Variants in NRG3 observed in about 807,000 individuals in gnomAD.
NRG3 encodes pro-neuregulin-3, membrane-bound isoform.
In NRG3, 31 loss-of-function variants were observed where a neutral mutation model predicts 66.9. The observed-to-expected ratio is 0.46, with a 90% CI of 0.35 to 0.63. The LOEUF (loss-of-function observed/expected upper bound fraction) is 0.63, where lower values mean the gene tolerates loss of function less well. Ranked by LOEUF, NRG3 falls within the 20% of genes least tolerant of loss-of-function variation. The pLI, the probability that NRG3 is intolerant of heterozygous loss-of-function variation, is 0.00. For synonymous variants in NRG3, 393 were observed against 359.4 expected, an observed-to-expected ratio of 1.09 and a Z score of -1.06; for missense variants, 910 against 878.9, an observed-to-expected ratio of 1.04 and a Z score of -0.45.
chr10:82,877,695 G>C (rs899071147), intron 4 of NRG3, among the ~76,000 whole-genome samples: 2 of 152,000 alleles, frequency 1.3e-5, no homozygotes, highest in African/African-American at 4.8e-5. Flanking sequence ...AGCCACATGG[G>C]ACAGACTTTT....
intron 2 of NRG3, among the ~76,000 whole-genome samples, chr10:82,581,093 T>C (rs185183176): frequency 1.6e-4 from 25 of 152,204 alleles, no homozygotes; most frequent in Admixed American, 8.5e-4. Context: ...TGTTGCACTA[T>C]ATGCTTGCCA....
intron 1 of NRG3, among the ~76,000 whole-genome samples, chr10:82,332,593 A>G (rs972728639): frequency 3.9e-5 from 6 of 152,144 alleles, no homozygotes; most frequent in African/African-American, 1.2e-4. Context: ...TGGCAGCCCT[A>G]TGGTTAGATT....
At chr10:81,949,759 A>G (rs1054252879) in intron 1 of NRG3, among the ~76,000 whole-genome samples, 3 of 152,192 alleles carry the variant, frequency 2.0e-5, no homozygotes, top group African/African-American at 7.2e-5. Flanking sequence ...AAGAGGATGA[A>G]TTAATATTTT....
intron 2 of NRG3, among the ~76,000 whole-genome samples, chr10:82,700,714 T>G (rs1049385774): frequency 6.6e-6 from 1 of 152,124 alleles, no homozygotes; most frequent in Non-Finnish European, 1.5e-5. Flanking sequence ...ATGCTTTTGT[T>G]TTTTCAAAGT....
intron 3 of NRG3, among the ~76,000 whole-genome samples, chr10:82,862,468 ATG>A (rs1205149154): frequency 2.6e-5 from 4 of 152,200 alleles, no homozygotes; most frequent in Non-Finnish European, 4.4e-5. Flanking sequence ...TACATATGAT[ATG>A]TGTTAGAGCA....
intron 7 of NRG3, among the ~76,000 whole-genome samples, chr10:82,975,862 A>C (rs889417710): frequency 6.6e-6 from 1 of 152,196 alleles, no homozygotes; most frequent in African/African-American, 2.4e-5. Context: ...GCGAACTATG[A>C]ATAATTAATT....
At position 82,587,988 on chromosome 10, in the gene NRG3, A is replaced by G. The variant is rs1590782176; in HGVS notation, c.954-150589A>G. ...TTACAAGTCATATACATGTGTTTATATACATTTGATAGTTCACTATAATTG... is the reference window on the plus strand; with the variant it reads ...TTACAAGTCATATACATGTGTTTATGTACATTTGATAGTTCACTATAATTG... On this transcript the variant is annotated intron_variant, in intron 2 of 8. Transcript: ENST00000372141. Among the ~76,000 whole-genome samples the G allele has an allele frequency of 4.6e-5, 7 of 152,352 alleles. No homozygotes were observed. The South Asian group carries it at 1.4e-3, about 32-fold the overall frequency.
At chr10:82,854,847 A>G (rs1407474262) in intron 3 of NRG3, among the ~76,000 whole-genome samples, 4 of 152,256 alleles carry the variant, frequency 2.6e-5, no homozygotes, top group Middle Eastern at 6.8e-3. Flanking sequence ...CATTCTCACC[A>G]TGGATCTTCT....
intron 1 of NRG3, among the ~76,000 whole-genome samples, chr10:82,350,334 T>C (rs1201911746): frequency 6.6e-6 from 1 of 152,230 alleles, no homozygotes; most frequent in African/African-American, 2.4e-5. Context: ...AAGCGTGCAT[T>C]AAGCACTTAT....
chr10:82,041,688 G>C (rs1248540500), intron 1 of NRG3, among the ~76,000 whole-genome samples: 1 of 151,902 alleles, frequency 6.6e-6, no homozygotes, highest in Non-Finnish European at 1.5e-5. Flanking sequence ...AGTAGACCAG[G>C]AGGTGTATGA....
Position 82,476,944 on chromosome 10 carries a change from G to T in NRG3, c.953+118076G>T, listed in dbSNP as rs370825678. ...TTATGGAATAAATGTCATTTGACACGTGAGTTCCGAGTTCATCCAGTTAAT... is the reference window on the plus strand; with the variant it reads ...TTATGGAATAAATGTCATTTGACACTTGAGTTCCGAGTTCATCCAGTTAAT... On this transcript the variant is annotated intron_variant, in intron 2 of 8. Coordinates refer to ENST00000372141, the MANE Select transcript of NRG3 (RefSeq NM_001010848.4). Among the ~76,000 whole-genome samples the T allele has an allele frequency of 3.9e-5, 6 of 152,120 alleles. No individual in the cohort carries two copies. The East Asian group carries it at 9.6e-4, about 24-fold the overall frequency.
intron 2 of NRG3, among the ~76,000 whole-genome samples, chr10:82,611,712 A>G (rs1452632334): frequency 6.6e-6 from 1 of 152,164 alleles, no homozygotes; most frequent in Non-Finnish European, 1.5e-5. Context: ...TATTGTGAAT[A>G]GTGCCACAAT....
intron 2 of NRG3, among the ~76,000 whole-genome samples, chr10:82,653,641 GT>G (rs149142653): frequency 1.7e-4 from 26 of 149,704 alleles, no homozygotes; most frequent in South Asian, 2.1e-4. Flanking sequence ...ACTAGTTCAG[GT>G]TTTTTTTTAA....
At chr10:82,612,906 T>A (rs954198875) in intron 2 of NRG3, among the ~76,000 whole-genome samples, 3 of 152,196 alleles carry the variant, frequency 2.0e-5, no homozygotes, top group Non-Finnish European at 4.4e-5. Context: ...GAAAATGCTG[T>A]GTGGCTGTGA....
intron 1 of NRG3, among the ~76,000 whole-genome samples, chr10:82,108,814 C>T (rs1403820343): frequency 1.3e-5 from 2 of 152,188 alleles, no homozygotes; most frequent in African/African-American, 4.8e-5. Context: ...TGAGTGAAAG[C>T]TCAGGCAGAA....
At chr10:82,394,977 T>G (rs1174079868) in intron 2 of NRG3, among the ~76,000 whole-genome samples, 1 of 152,168 alleles carries the variant, frequency 6.6e-6, no homozygotes, top group African/African-American at 2.4e-5. Context: ...GTCCACAATT[T>G]CCCCACTTTT....
intron 1 of NRG3, among the ~76,000 whole-genome samples, chr10:82,204,620 G>A (rs145115029): frequency 3.9e-5 from 6 of 152,120 alleles, no homozygotes; most frequent in Non-Finnish European, 1.5e-5. Context: ...GTTTTCTCAG[G>A]CCTAGGAGTA....
In NRG3 at chr10:82,291,305, A is replaced by G. The variant is rs1363944103; in HGVS notation, c.824-67434A>G. ...AAACTTTAAAAAACATAATCTGTAC[A>G]TACTGAAAATTTAAAAATGCTGACA... On this transcript the variant is annotated intron_variant, in intron 1 of 8. Coordinates refer to ENST00000372141, the MANE Select transcript of NRG3 (RefSeq NM_001010848.4). Among the ~76,000 whole-genome samples, 7 of 152,196 alleles carry G rather than the reference A, an allele frequency of 4.6e-5. No homozygotes were observed. In the South Asian group the frequency reaches 1.2e-3, roughly 27 times the overall value.
At chr10:82,722,948 C>T (rs549166257) in intron 2 of NRG3, among the ~76,000 whole-genome samples, 55 of 152,124 alleles carry the variant, frequency 3.6e-4, no homozygotes, top group Non-Finnish European at 5.9e-4. Flanking sequence ...CTGTTCAACC[C>T]ACCCGTCCCA....
Sources: gnomAD v4.1 joint callset for allele counts (sites outside exome capture counted in the v4.1 genomes callset) on GRCh38, gnomAD v4.1.1 for gene constraint, MANE v1.5 for transcripts, NCBI Gene and HGNC (gene_info 2026-07-23, HGNC 2026-07-21) for gene names.